The following ADAMTSL3 variants were observed in gnomAD, a reference collection of about 807,000 sequenced individuals.
ADAMTSL3 encodes ADAMTS like 3, also known as ADAMTS-like protein 3.
ADAMTSL3 carries 128 observed loss-of-function variants against 201.7 expected under a neutral mutation model. That is an observed-to-expected ratio of 0.63 (90% confidence interval 0.55 to 0.73). ADAMTSL3 has a LOEUF of 0.73. Among genes scored for constraint, ADAMTSL3 ranks in the 30% least tolerant of loss-of-function variants. The pLI is 0.00. For missense variants in ADAMTSL3, 1,990 were observed against 2,119.6 expected, an observed-to-expected ratio of 0.94 and a Z score of 1.20; for synonymous variants, 738 against 748.4, an observed-to-expected ratio of 0.99 and a Z score of 0.23.
Position 83,757,671 on chromosome 15 carries a change from C to G in ADAMTSL3, c.190-15852C>G, listed in dbSNP as rs555675246. 2.8e-4 allele frequency among the ~76,000 whole-genome samples: 42 copies of G among 152,332 alleles called. 1 individual carries two copies. The highest frequency in any genetic ancestry group is 9.1e-4 in the African/African-American group (38 of 41,588). ...TCTGCAGCTGGCTTGAATTTTTCCT[C>G]AGAAAATGGGTTTTTCTTTTCTATC... is the stretch of plus-strand genomic sequence containing the variant. On this transcript the variant is annotated intron_variant, in intron 3 of 29. Coordinates refer to ENST00000286744, the MANE Select transcript of ADAMTSL3 (RefSeq NM_207517.3).
chr15:83,715,867 A>G (rs186126291), intron 3 of ADAMTSL3, among the ~76,000 whole-genome samples: 57 of 152,260 alleles, frequency 3.7e-4, no homozygotes, highest in Admixed American at 1.2e-3. Context: ...TCCTGTGCCA[A>G]GGGTGTGCAA....
At chr15:83,813,773 T>G (rs1176052244) in intron 5 of ADAMTSL3, among the ~76,000 whole-genome samples, 1 of 152,150 alleles carries the variant, frequency 6.6e-6, no homozygotes, top group Non-Finnish European at 1.5e-5. Flanking sequence ...GATCAGCACT[T>G]AGCATATATC....
chr15:83,850,758 C>CAGAG (rs990706973), intron 7 of ADAMTSL3, among the ~76,000 whole-genome samples: 1 of 152,170 alleles, frequency 6.6e-6, no homozygotes, highest in Non-Finnish European at 1.5e-5. Flanking sequence ...CCCTCATCTG[C>CAGAG]AGAGCACTTG....
chr15:83,743,569 G>A (rs1197519993), intron 3 of ADAMTSL3, among the ~76,000 whole-genome samples: 1 of 150,982 alleles, frequency 6.6e-6, no homozygotes, highest in Non-Finnish European at 1.5e-5. Context: ...CTTTTGAGGA[G>A]TATACCATTT....
chr15:83,855,371 A>G (rs747224244), intron 7 of ADAMTSL3, among the ~76,000 whole-genome samples: 3 of 152,194 alleles, frequency 2.0e-5, no homozygotes, highest in Non-Finnish European at 4.4e-5. Flanking sequence ...TCAATGTTAT[A>G]TAAGTATCTC....
chr15:84,019,973 A>C (rs2068167893), intron 25 of ADAMTSL3, among the ~76,000 whole-genome samples: 1 of 151,992 alleles, frequency 6.6e-6, no homozygotes, highest in Admixed American at 6.6e-5. Flanking sequence ...ACTAATGTAT[A>C]CTGATAGAAA....
At chr15:83,752,117 T>G (rs1447702760) in intron 3 of ADAMTSL3, among the ~76,000 whole-genome samples, 1 of 152,136 alleles carries the variant, frequency 6.6e-6, no homozygotes, top group African/African-American at 2.4e-5. Flanking sequence ...GAAAAGAGAA[T>G]GAAGAGCAAA....
chr15:83,658,855 A>G (rs1211465021), intron 2 of ADAMTSL3, among the ~76,000 whole-genome samples: 4 of 152,144 alleles, frequency 2.6e-5, no homozygotes, highest in Admixed American at 6.5e-5. Context: ...CTGAATTACA[A>G]CGTGCCCCCC....
At chr15:83,734,143 C>T (rs1185631414) in intron 3 of ADAMTSL3, among the ~76,000 whole-genome samples, 1 of 152,092 alleles carries the variant, frequency 6.6e-6, no homozygotes, top group Non-Finnish European at 1.5e-5. Context: ...CTCATAATGG[C>T]ATTAAGTCCA....
At chr15:84,003,800 G>A (rs1048424097) in intron 23 of ADAMTSL3, among the ~76,000 whole-genome samples, 1 of 152,158 alleles carries the variant, frequency 6.6e-6, no homozygotes, top group Non-Finnish European at 1.5e-5. Flanking sequence ...GCATGGAACA[G>A]CATCCATTAT....
rs2065651735 is a variant in ADAMTSL3 at position 83,898,016 on chromosome 15, G to T, written c.1615+11G>T. On this transcript the variant is annotated intron_variant, in intron 14 of 29. Transcript: ENST00000286744. ...GTTATAAACCAAAAGGTAAGTCTGT[G>T]GTGCACTGTAAATTCAAATCAAATG... 1 of 1,604,046 alleles carries T rather than the reference G, an allele frequency of 6.2e-7. No homozygotes were observed. Among genetic ancestry groups the T allele is most frequent in the African/African-American group, 1.3e-5 (1 of 74,626 alleles).
intron 4 of ADAMTSL3, among the ~76,000 whole-genome samples, chr15:83,794,883 C>T (rs866919925): frequency 6.6e-6 from 1 of 152,094 alleles, no homozygotes; most frequent in East Asian, 1.9e-4. Context: ...GATGGAGTCT[C>T]ACTCCGTTGT....
chr15:83,709,528 C>A (rs2141525114), intron 3 of ADAMTSL3, among the ~76,000 whole-genome samples: 1 of 152,278 alleles, frequency 6.6e-6, no homozygotes, highest in Non-Finnish European at 1.5e-5. Context: ...TGGTTCTTTT[C>A]ATCGCTGAGT....
At chr15:83,961,179 A>G (rs1479561408) in intron 19 of ADAMTSL3, among the ~76,000 whole-genome samples, 1 of 152,218 alleles carries the variant, frequency 6.6e-6, no homozygotes, top group Non-Finnish European at 1.5e-5. Flanking sequence ...CACAAAACTT[A>G]CATTACAAGC....
At position 83,801,659 on chromosome 15, in the gene ADAMTSL3, T is replaced by TATATATATATATATATATATAAATATAA. The variant is rs2063521730; in HGVS notation, c.318-2970_318-2969insAATATAAATATATATATATATATATATA. Among the ~76,000 whole-genome samples, 2 of 39,824 alleles carry TATATATATATATATATATATAAATATAA rather than the reference T, an allele frequency of 5.0e-5. 1 individual carries two copies. Among genetic ancestry groups the TATATATATATATATATATATAAATATAA allele is most frequent in the Non-Finnish European group, 9.8e-5 (2 of 20,414 alleles). The allele number at this position is 39,824 out of a possible 152,430, so 26.1% of individuals were successfully genotyped here. ...ATAAATATATAAATATAAATATATATATATATATATATATATATATATATA... is the reference window on the plus strand; with the variant it reads ...ATAAATATATAAATATAAATATATATATATATATATATATATATATAAATATAAATATATATATATATATATATATATA... On this transcript the variant is annotated intron_variant, in intron 4 of 29. Transcript: ENST00000286744.
At chr15:83,914,444 C>T (rs1478574312) in intron 16 of ADAMTSL3, among the ~76,000 whole-genome samples, 1 of 152,204 alleles carries the variant, frequency 6.6e-6, no homozygotes, top group Non-Finnish European at 1.5e-5. Flanking sequence ...TCTAATTCAA[C>T]TTCTATACCT....
intron 23 of ADAMTSL3, among the ~76,000 whole-genome samples, chr15:83,994,489 T>C (rs1341672602): frequency 1.3e-5 from 2 of 152,114 alleles, no homozygotes; most frequent in African/African-American, 4.8e-5. Context: ...GCAAATTTTT[T>C]AACACTTAAA....
chr15:83,702,670 T>C (rs1365576510), intron 2 of ADAMTSL3, among the ~76,000 whole-genome samples: 1 of 152,196 alleles, frequency 6.6e-6, no homozygotes, highest in Non-Finnish European at 1.5e-5. Context: ...AGTCAAGAAT[T>C]GAGGTTTGGG....
intron 16 of ADAMTSL3, among the ~76,000 whole-genome samples, chr15:83,922,014 G>A (rs1311785688): frequency 6.6e-6 from 1 of 152,166 alleles, no homozygotes; most frequent in Non-Finnish European, 1.5e-5. Flanking sequence ...TTCAAAAAAT[G>A]ATGCTGACGT....
Sources: gnomAD v4.1 joint callset for allele counts (sites outside exome capture counted in the v4.1 genomes callset) on GRCh38, gnomAD v4.1.1 for gene constraint, MANE v1.5 for transcripts, NCBI Gene and HGNC (gene_info 2026-07-23, HGNC 2026-07-21) for gene names.